CPA5: variants seen among roughly 807,000 people sequenced by gnomAD.
CPA5 encodes the protein testicular tissue protein Li 32.
Under a neutral mutation model 52.2 loss-of-function variants are expected in CPA5, and 38 were observed. The observed-to-expected ratio is 0.73, with a 90% CI of 0.56 to 0.95. CPA5 has a LOEUF of 0.95. Among genes scored for constraint, CPA5 ranks in the 40% least tolerant of loss-of-function variants. The pLI is 0.00. For missense variants in CPA5, 519 were observed against 566.7 expected (o/e 0.92, Z 0.86); for synonymous variants, 198 against 213.7 (o/e 0.93, Z 0.64).
In CPA5 at chr7:130,361,191, T is replaced by C. The variant is rs782482491; in HGVS notation, c.481T>C (p.Ser161Pro). ...NFVMEHSDIV[S>P]KIQIGNSFEN... The stretch of plus-strand genomic sequence containing the variant: ...TGTAATGGAGCATTCCGATATTGTC[T>C]CAAAAATTCAGATTGGCAACAGCTT... Residue 161 changes from serine to proline, a missense_variant, in exon 7 of 13, where the codon TCA (serine) becomes CCA (proline). By Grantham distance (74) the Ser-to-Pro change is moderately conservative. Transcript: ENST00000474905. The C allele has an allele frequency of 6.2e-7, 1 of 1,614,088 alleles. No individual in the cohort carries two copies. Among genetic ancestry groups the C allele is most frequent in the Non-Finnish European group, 8.5e-7 (1 of 1,179,940 alleles).
Position 130,368,615 on chromosome 7 carries a change from GGAGGCT to G in CPA5, c.*19_*24del. On this transcript the variant is annotated 3_prime_UTR_variant, in exon 13 of 13. Transcript: ENST00000474905. Reference sequence around the variant, plus strand: ...CCTACTAGCAGCACGACTGAGGGCAGGAGGCTCCATCCTTCTCCCCAAGGTCTGTGG... The same window carrying G: ...CCTACTAGCAGCACGACTGAGGGCAGCCATCCTTCTCCCCAAGGTCTGTGG... 6.2e-7 allele frequency: 1 copy of G among 1,613,302 alleles called. No homozygotes were observed. The highest frequency in any genetic ancestry group is 8.5e-7 in the Non-Finnish European group (1 of 1,179,742).
chr7:130,350,830 G>C (rs946568422), intron 5 of CPA5, among the ~76,000 whole-genome samples: 9 of 152,242 alleles, frequency 5.9e-5, no homozygotes, highest in Non-Finnish European at 8.8e-5. Context: ...AAGAGCCCCT[G>C]AAACGTGCTG....
At chr7:130,368,852 T>C, downstream of CPA5, 1 of 486,000 alleles carries the variant, frequency 2.1e-6, no homozygotes, top group Non-Finnish European at 3.6e-6. Context: ...CTCTCCAGTC[T>C]ACCTTCAGGA....
Position 130,367,997 on chromosome 7 carries a change from G to T in CPA5, c.1123+7G>T. The T allele has an allele frequency of 1.2e-6, 2 of 1,613,394 alleles. No individual in the cohort carries two copies. Among genetic ancestry groups the T allele is most frequent in the South Asian group, 1.1e-5 (1 of 91,060 alleles). On this transcript the variant is annotated splice_region_variant and intron_variant, in intron 12 of 12. Transcript: ENST00000474905. ...AGCATCAGCACCACCCTCTGTGAGTGAGCCTCCCCTGGCCCTGCTTCAGAC... is the reference window on the plus strand; with the variant it reads ...AGCATCAGCACCACCCTCTGTGAGTTAGCCTCCCCTGGCCCTGCTTCAGAC...
intron 3 of CPA5, 36 bp downstream of exon 3, chr7:130,346,637 C>A: frequency 6.4e-7 from 1 of 1,556,902 alleles, no homozygotes; most frequent in Non-Finnish European, 8.9e-7. Context: ...GGAGGACTGG[C>A]TGGGAGGAGG....
chr7:130,356,152 C>T (rs879975127), intron 5 of CPA5, among the ~76,000 whole-genome samples: 5 of 151,478 alleles, frequency 3.3e-5, no homozygotes, highest in African/African-American at 9.7e-5. Context: ...CCATGAGCTG[C>T]GTCCATTTTG....
downstream of CPA5, among the ~76,000 whole-genome samples, chr7:130,372,305 A>G (rs1554410014): frequency 2.6e-5 from 4 of 152,174 alleles, no homozygotes; most frequent in African/African-American, 9.7e-5. Flanking sequence ...AAGATTCTCT[A>G]TATTTGTTAA....
rs190687948 is a variant in CPA5, at chr7:130,356,589, G to T, written c.334-3000G>T. 3.4e-3 allele frequency among the ~76,000 whole-genome samples: 523 copies of T among 152,314 alleles called. 3 individuals carry two copies. The highest frequency in any genetic ancestry group is 0.012 in the African/African-American group (483 of 41,558). ...CAGCTGTGAGGGCTGAGAATTCCCAGTTTGAAAGAGGGTGTCACCTCCATT... is the reference window on the plus strand; with the variant it reads ...CAGCTGTGAGGGCTGAGAATTCCCATTTTGAAAGAGGGTGTCACCTCCATT... On this transcript the variant is annotated intron_variant, in intron 5 of 12. Coordinates refer to ENST00000474905, the MANE Select transcript of CPA5 (RefSeq NM_080385.5).
chr7:130,372,923 C>A (rs1796308121), downstream of CPA5, among the ~76,000 whole-genome samples: 1 of 152,106 alleles, frequency 6.6e-6, no homozygotes, highest in South Asian at 2.1e-4. Flanking sequence ...TGTTTTAGCC[C>A]AACCCGCTCA....
chr7:130,347,029 G>A (rs2117276612), intron 3 of CPA5, among the ~76,000 whole-genome samples: 1 of 152,260 alleles, frequency 6.6e-6, no homozygotes, highest in East Asian at 1.9e-4. Flanking sequence ...AGTATTACAC[G>A]CCAGGCCCTC....
chr7:130,366,736 G>T (rs1375121703), intron 10 of CPA5, among the ~76,000 whole-genome samples: 1 of 152,208 alleles, frequency 6.6e-6, no homozygotes, highest in Non-Finnish European at 1.5e-5. Context: ...CTGACACCGA[G>T]TCTGAGCCCT....
At chr7:130,356,111 G>A (rs1221116515) in intron 5 of CPA5, among the ~76,000 whole-genome samples, 5 of 152,158 alleles carry the variant, frequency 3.3e-5, no homozygotes, top group Non-Finnish European at 5.9e-5. Flanking sequence ...GGCAGCGGCT[G>A]CTGTCCCAGA....
chr7:130,361,816 C>G (rs1158261250), intron 7 of CPA5, among the ~76,000 whole-genome samples: 2 of 152,136 alleles, frequency 1.3e-5, no homozygotes, highest in African/African-American at 4.8e-5. Context: ...AAAGGGCACC[C>G]GGGAGTGTGG....
At position 130,368,564 on chromosome 7, in the gene CPA5, C is replaced by T. The variant is rs782413505; in HGVS notation, c.1278C>T (p.Thr426=). 1.2e-6 allele frequency: 2 copies of T among 1,614,082 alleles called. No homozygotes were observed. Among genetic ancestry groups the T allele is most frequent in the East Asian group, 2.2e-5 (1 of 44,874 alleles). Residue 426 remains threonine, a synonymous_variant, in exon 13 of 13, where the codon ACC becomes ACT. Coordinates refer to ENST00000474905, the MANE Select transcript of CPA5 (RefSeq NM_080385.5). ...TAQETWMALR[T]IMEHTLNHPY ...AGGAGACGTGGATGGCGCTTCGGAC[C>T]ATCATGGAGCACACCCTGAATCACC...
intron 7 of CPA5, 51 bp downstream of exon 7, chr7:130,361,295 A>C: frequency 1.5e-6 from 2 of 1,290,926 alleles, no homozygotes; most frequent in Non-Finnish European, 2.3e-6. Flanking sequence ...GGCCTCTGGC[A>C]TAAGATTGAT....
At chr7:130,374,380 G>A in the CPA5 span, among the ~76,000 whole-genome samples, 2 of 152,154 alleles carry the variant, frequency 1.3e-5, no homozygotes, top group Admixed American at 6.5e-5. Context: ...CCCTCTGGTC[G>A]TCCCTTACCA....
chr7:130,367,517 GC>G lies in CPA5; in HGVS notation c.985del (p.Met330CysfsTer103). On this transcript the variant is annotated frameshift_variant, in exon 11 of 13. Coordinates refer to ENST00000474905, the MANE Select transcript of CPA5 (RefSeq NM_080385.5). LOFTEE classifies it high-confidence loss of function. Reference protein sequence around the residue: ...LISIHSYSQMLMYPYGRLLEP... With the variant: ...LISIHSYSQMXMYPYGRLLEP... ...TCTCCATCCACAGCTACTCTCAGAT[GC>G]TTATGTACCCTTACGGCCGATTGCT... 1 of 1,614,162 alleles carries G rather than the reference GC, an allele frequency of 6.2e-7. No homozygotes were observed. Among genetic ancestry groups the G allele is most frequent in the Admixed American group, 1.7e-5 (1 of 60,008 alleles).
At chr7:130,365,518 G>T (rs527327220) in intron 10 of CPA5, among the ~76,000 whole-genome samples, 2 of 152,340 alleles carry the variant, frequency 1.3e-5, no homozygotes, top group South Asian at 2.1e-4. Flanking sequence ...TCCTTCCAGA[G>T]ATTTCCCCTT....
chr7:130,360,561 C>T (rs373139804), intron 6 of CPA5, among the ~76,000 whole-genome samples: 3 of 152,240 alleles, frequency 2.0e-5, no homozygotes, highest in Admixed American at 6.5e-5. Flanking sequence ...TTATCATCAT[C>T]GCTTTTCCCA....
Sources: allele counts gnomAD v4.1 joint callset (sites outside exome capture counted in the v4.1 genomes callset), GRCh38; gene constraint gnomAD v4.1.1; transcripts MANE v1.5; gene names NCBI Gene and HGNC (gene_info 2026-07-23, HGNC 2026-07-21).